Variants in EPHB2 observed in about 807,000 individuals in gnomAD.
EPHB2 encodes EPH receptor B2.
A neutral mutation model predicts 96.4 loss-of-function variants in EPHB2; 18 were observed. The observed-to-expected ratio is 0.19, with a 90% CI of 0.13 to 0.28. EPHB2 has a LOEUF of 0.28. Among genes scored for constraint, EPHB2 ranks in the 10% least tolerant of loss-of-function variants. EPHB2 has a pLI of 1.00. For missense variants in EPHB2, 989 were observed against 1,355.4 expected, an observed-to-expected ratio of 0.73 and a Z score of 4.25; for synonymous variants, 506 against 534.1, an observed-to-expected ratio of 0.95 and a Z score of 0.72.
chr1:22,770,423 T>C lies in EPHB2; in HGVS notation c.62-10998T>C, dbSNP rs548917386. Among the ~76,000 whole-genome samples, 35 of 152,268 alleles carry C rather than the reference T, an allele frequency of 2.3e-4. No individual in the cohort carries two copies. The South Asian group carries it at 6.9e-3, about 30-fold the overall frequency. Reference sequence around the variant, plus strand: ...CTTCACTGGGGGAAACCAGTGCCAATTAGGCAAATACATCAAGTCCCAGCA... The same window carrying C: ...CTTCACTGGGGGAAACCAGTGCCAACTAGGCAAATACATCAAGTCCCAGCA... On this transcript the variant is annotated intron_variant, in intron 1 of 15. Transcript: ENST00000374630.
rs992094530 is a variant in EPHB2 at position 22,906,535 on chromosome 1, T to C, written c.1889-175T>C. The stretch of plus-strand genomic sequence containing the variant: ...TTTACTGTCCTCTCCCAGAGGTGAC[T>C]GGAACTTTTCTGGACCCCTGACATT... On this transcript the variant is annotated intron_variant, in intron 10 of 15. Transcript: ENST00000374630. The surrounding 1 kb of genome is among the most constrained non-coding windows in gnomAD (Gnocchi z 4.8). Among the ~76,000 whole-genome samples the C allele has an allele frequency of 2.6e-5, 4 of 152,190 alleles. No individual in the cohort carries two copies. Among genetic ancestry groups the C allele is most frequent in the African/African-American group, 9.6e-5 (4 of 41,452 alleles).
At chr1:22,745,195 CA>C (rs771910299) in intron 1 of EPHB2, among the ~76,000 whole-genome samples, 1 of 152,154 alleles carries the variant, frequency 6.6e-6, no homozygotes, top group Non-Finnish European at 1.5e-5. Context: ...AAATGTCCAT[CA>C]ACAAAGAATG....
At chr1:22,879,015 T>G (rs908500) in intron 5 of EPHB2, among the ~76,000 whole-genome samples, 122,378 of 152,196 alleles carry the variant, frequency 0.8, 55,679 homozygotes, top group Non-Finnish European at 1. Flanking sequence ...CCCCACCTGC[T>G]TGGCCGGCCC....
chr1:22,757,619 T>C (rs1644171295), intron 1 of EPHB2, among the ~76,000 whole-genome samples: 1 of 152,088 alleles, frequency 6.6e-6, no homozygotes, highest in South Asian at 2.1e-4. Flanking sequence ...CTCAACACTT[T>C]GGGAGGCTGA....
At chr1:22,809,476 A>T (rs1217925878) in intron 3 of EPHB2, among the ~76,000 whole-genome samples, 1 of 152,204 alleles carries the variant, frequency 6.6e-6, no homozygotes, top group Admixed American at 6.5e-5. Context: ...TGATATATTA[A>T]TATACATAAC....
chr1:22,772,150 C>A (rs1644387678), intron 1 of EPHB2, among the ~76,000 whole-genome samples: 1 of 151,936 alleles, frequency 6.6e-6, no homozygotes, highest in Admixed American at 6.6e-5. Context: ...GTAGCGAATC[C>A]AAACTCTCCC....
Position 22,875,760 on chromosome 1 carries a change from G to A in EPHB2, c.1304-6599G>A, listed in dbSNP as rs530606492. On this transcript the variant is annotated intron_variant, in intron 5 of 15. Transcript: ENST00000374630. The surrounding 1 kb of genome is among the most constrained non-coding windows in gnomAD (Gnocchi z 4.2). ...GGATTGAATGAGAGACAAGGTCCCT[G>A]ACCTCAGATAGTGTTGGTGCTATGA... Among the ~76,000 whole-genome samples, 15 of 152,268 alleles carry A rather than the reference G, an allele frequency of 9.9e-5. No individual in the cohort carries two copies. Among genetic ancestry groups the A allele is most frequent in the African/African-American group, 3.1e-4 (13 of 41,570 alleles).
chr1:22,781,583 C>A (rs1644533903), intron 2 of EPHB2, 98 bp downstream of exon 2: 5 of 1,245,758 alleles, frequency 4.0e-6, no homozygotes, highest in South Asian at 3.8e-5. Flanking sequence ...CCCTTTCCCC[C>A]TCTTCAGGAC....
intron 1 of EPHB2, among the ~76,000 whole-genome samples, chr1:22,711,518 C>A (rs1570128307): frequency 6.6e-6 from 1 of 151,266 alleles, no homozygotes; most frequent in East Asian, 2.0e-4. Context: ...TGGGGGCTCC[C>A]GGCCCGCGCC....
chr1:22,780,537 G>T (rs1418945431), intron 1 of EPHB2, among the ~76,000 whole-genome samples: 2 of 152,342 alleles, frequency 1.3e-5, no homozygotes, highest in East Asian at 3.9e-4. Flanking sequence ...AGAGTGTCCT[G>T]ACAAGATGTG....
intron 3 of EPHB2, among the ~76,000 whole-genome samples, chr1:22,830,589 G>A (rs924765596): frequency 3.9e-5 from 6 of 152,154 alleles, no homozygotes; most frequent in African/African-American, 1.2e-4. Context: ...TGTTTGAGAC[G>A]GAGTCTTGCC....
intron 3 of EPHB2, among the ~76,000 whole-genome samples, chr1:22,828,910 G>A (rs1156902892): frequency 6.6e-6 from 1 of 152,164 alleles, no homozygotes; most frequent in African/African-American, 2.4e-5. Context: ...ATTTTAGAAC[G>A]GTGCAGTCAC....
intron 5 of EPHB2, among the ~76,000 whole-genome samples, chr1:22,869,779 G>T (rs1638597983): frequency 6.6e-6 from 1 of 152,160 alleles, no homozygotes; most frequent in Non-Finnish European, 1.5e-5. Context: ...TCCTGACTTG[G>T]TGGGACACCT....
At chr1:22,735,183 G>GGGAGGGTGAGGCA (rs375893722) in intron 1 of EPHB2, among the ~76,000 whole-genome samples, 5 of 152,064 alleles carry the variant, frequency 3.3e-5, no homozygotes, top group Admixed American at 3.3e-4. Context: ...AGCACACTTT[G>GGGAGGGTGAGGCA]GGAGGGTGAG....
At chr1:22,732,658 G>A (rs1014398876) in intron 1 of EPHB2, among the ~76,000 whole-genome samples, 2 of 152,084 alleles carry the variant, frequency 1.3e-5, no homozygotes, top group Non-Finnish European at 2.9e-5. Context: ...ACTGCCCCCC[G>A]GCCCCGCTTT....
intron 3 of EPHB2, among the ~76,000 whole-genome samples, chr1:22,830,225 G>T (rs1645284440): frequency 6.6e-6 from 1 of 152,196 alleles, no homozygotes. Context: ...TGGCTGCCCA[G>T]CCTTTGTCCC....
chr1:22,726,764 C>T (rs750536377), intron 1 of EPHB2, among the ~76,000 whole-genome samples: 4 of 152,132 alleles, frequency 2.6e-5, no homozygotes, highest in Non-Finnish European at 4.4e-5. Flanking sequence ...AAAAAGCAGG[C>T]TCTGAGATGT....
chr1:22,770,694 G>A (rs1191313591), intron 1 of EPHB2, among the ~76,000 whole-genome samples: 1 of 152,218 alleles, frequency 6.6e-6, no homozygotes, highest in Non-Finnish European at 1.5e-5. Context: ...TGTACTCGCT[G>A]TGTGATGTTG....
At chr1:22,731,836 T>C (rs976399611) in intron 1 of EPHB2, among the ~76,000 whole-genome samples, 3 of 152,154 alleles carry the variant, frequency 2.0e-5, no homozygotes, top group Non-Finnish European at 2.9e-5. Context: ...CAAGATTCCA[T>C]CTCAAACAAA....
Sources: allele counts gnomAD v4.1 joint callset (sites outside exome capture counted in the v4.1 genomes callset), GRCh38; gene constraint gnomAD v4.1.1; non-coding constraint Gnocchi (gnomAD v3.1); transcripts MANE v1.5; gene names NCBI Gene and HGNC (gene_info 2026-07-23, HGNC 2026-07-21).